The following TSNAXIP1 variants were observed in gnomAD, a reference collection of about 807,000 sequenced individuals.
TSNAXIP1 encodes the protein translin-associated factor X-interacting protein 1.
In TSNAXIP1, 89 loss-of-function variants were observed where a neutral mutation model predicts 84.8. That is an observed-to-expected ratio of 1.05 (90% CI 0.88 to 1.25). TSNAXIP1 has a LOEUF of 1.25. TSNAXIP1 is among the 50% of genes most tolerant of loss of function. The pLI, the probability that TSNAXIP1 is intolerant of heterozygous loss-of-function variation, is 0.00. For missense variants in TSNAXIP1, 874 were observed against 887.6 expected, an observed-to-expected ratio of 0.98 and a Z score of 0.20; for synonymous variants, 347 against 335.2, an observed-to-expected ratio of 1.04 and a Z score of -0.39.
chr16:67,824,742 A>T lies in TSNAXIP1; in HGVS notation c.641A>T (p.Asp214Val). 5 of 1,614,164 alleles carry T rather than the reference A, an allele frequency of 3.1e-6. No homozygotes were observed. The highest frequency in any genetic ancestry group is 4.2e-6 in the Non-Finnish European group (5 of 1,179,998). The stretch of plus-strand genomic sequence containing the variant: ...AAGATGAACTTGCTAAAACTCATCG[A>T]CAAAAAGAATGAGGAGAAGATTTCA... ...KEKMNLLKLIDKKNEEKISLQ... is the reference protein window; with the variant it reads ...KEKMNLLKLIVKKNEEKISLQ... The change falls in exon 6 of 16, where the codon GAC (aspartate) becomes GTC (valine). Residue 214 changes from aspartate (D) to valine (V), a missense_variant. Transcript: ENST00000561639.
Position 67,818,165 on chromosome 16 carries a change from T to C in TSNAXIP1, c.148-2674T>C, listed in dbSNP as rs373212510. On this transcript the variant is annotated intron_variant, in intron 2 of 15. Transcript: ENST00000561639. ...TGGAGGCTGCAGTGAGCAGAGATTGTGCCACTGCACCCCAGCCTGGGCGAC... is the reference window on the plus strand; with the variant it reads ...TGGAGGCTGCAGTGAGCAGAGATTGCGCCACTGCACCCCAGCCTGGGCGAC... Among the ~76,000 whole-genome samples, 3 of 152,138 alleles carry C rather than the reference T, an allele frequency of 2.0e-5. No homozygotes were observed. The South Asian group carries it at 6.2e-4, about 32-fold the overall frequency.
At chr16:67,816,597 C>T (rs547081101) in intron 2 of TSNAXIP1, among the ~76,000 whole-genome samples, 2 of 152,274 alleles carry the variant, frequency 1.3e-5, no homozygotes, top group South Asian at 4.1e-4. Flanking sequence ...AACCTGATGA[C>T]TAGGGGAGAG....
chr16:67,810,871 C>A (rs895726554), intron 1 of TSNAXIP1, among the ~76,000 whole-genome samples: 2 of 151,730 alleles, frequency 1.3e-5, no homozygotes, highest in Admixed American at 6.6e-5. Flanking sequence ...TCCCTAGTAG[C>A]TGGGACTATA....
intron 1 of TSNAXIP1, among the ~76,000 whole-genome samples, chr16:67,813,311 C>G (rs2056262745): frequency 6.6e-6 from 1 of 151,854 alleles, no homozygotes. Context: ...TGCTTGAACC[C>G]AGGAGGTGAA....
chr16:67,823,252 GAAA>G (rs2057198108), intron 4 of TSNAXIP1, among the ~76,000 whole-genome samples: 1 of 152,102 alleles, frequency 6.6e-6, no homozygotes, highest in Non-Finnish European at 1.5e-5. Context: ...GCCCAGTAAA[GAAA>G]AAAACAGTGC....
intron 2 of TSNAXIP1, among the ~76,000 whole-genome samples, chr16:67,815,702 T>A (rs2056486400): frequency 1.3e-5 from 2 of 152,048 alleles, no homozygotes; most frequent in African/African-American, 4.8e-5. Context: ...TCTAACTACG[T>A]TGCCCAAGCT....
intron 5 of TSNAXIP1, among the ~76,000 whole-genome samples, 161 bp from the exon 6 acceptor site, chr16:67,824,422 A>G (rs1292658981): frequency 2.0e-5 from 3 of 152,174 alleles, no homozygotes; most frequent in Non-Finnish European, 4.4e-5. Context: ...TTTAAAATCA[A>G]GTGCAGGAAG....
Position 67,825,592 on chromosome 16 carries a change from G to A in TSNAXIP1, c.815-75G>A, listed in dbSNP as rs1041312444. 3.9e-6 allele frequency: 6 copies of A among 1,533,522 alleles called. No individual in the cohort carries two copies. The Admixed American group carries it at 8.2e-5, about 21-fold the overall frequency. 95.0% of individuals were successfully genotyped at this position (1,533,522 alleles called of 1,614,324 possible). ...GGCAAGAACCAGGGAACCCCAAACA[G>A]GAAGGGCAGAGGGCTTCAGGCAACC... is the stretch of plus-strand genomic sequence containing the variant. On this transcript the variant is annotated intron_variant, in intron 7 of 15. Transcript: ENST00000561639.
chr16:67,822,176 G>A (rs1368564166), intron 4 of TSNAXIP1, among the ~76,000 whole-genome samples: 1 of 151,472 alleles, frequency 6.6e-6, no homozygotes, highest in African/African-American at 2.4e-5. Context: ...CTGCTCGGGA[G>A]GCTGAGGCAG....
chr16:67,826,826 T>G lies in TSNAXIP1; in HGVS notation c.1536T>G (p.Tyr512Ter), dbSNP rs201025140. ...CCAACGAGGTTATGAGTCAGTTCTA[T>G]GCAGTCTTGATGGGAAAGGTGAGCT... ...FHSNEVMSQFYAVLMGKRSEN... is the reference protein window; with the variant it reads ...FHSNEVMSQF The change falls in exon 12 of 16, where the codon TAT becomes TAG. Residue 512 changes from tyrosine to a stop codon, truncating the protein, a stop_gained. Coordinates refer to ENST00000561639, the MANE Select transcript of TSNAXIP1 (RefSeq NM_001288990.3). LOFTEE classifies it high-confidence loss of function. 7.4e-6 allele frequency: 12 copies of G among 1,613,804 alleles called. No homozygotes were observed. In the Middle Eastern group the frequency reaches 4.9e-4, roughly 67 times the overall value.
intron 5 of TSNAXIP1, among the ~76,000 whole-genome samples, chr16:67,824,158 C>G (rs35545442): frequency 6.6e-6 from 1 of 152,164 alleles, no homozygotes; most frequent in African/African-American, 2.4e-5. Flanking sequence ...ACCAAGGCCC[C>G]TCAGCCATTC....
In TSNAXIP1 at chr16:67,824,683, G is replaced by C. The variant is rs1471402364; in HGVS notation, c.582G>C (p.Glu194Asp). Residue 194 changes from glutamate to aspartate, a missense_variant, in exon 6 of 16, where the codon GAG becomes GAC. Physicochemically the swap from Glu to Asp is conservative, Grantham distance 45 (BLOSUM62 2). Transcript: ENST00000561639. ...AGAGGATCCTGGCCATGAGAGCTGA[G>C]GAGAAATATGAAATCTCCCTGCTCA... ...CNERILAMRA[E>D]EKYEISLLKK... is the part of the protein sequence containing the mutation. 1 of 1,614,128 alleles carries C rather than the reference G, an allele frequency of 6.2e-7. No individual in the cohort carries two copies.
chr16:67,815,272 C>A (rs1295740330), intron 2 of TSNAXIP1, among the ~76,000 whole-genome samples: 1 of 148,828 alleles, frequency 6.7e-6, no homozygotes, highest in Non-Finnish European at 1.5e-5. Context: ...CGAGATCACA[C>A]CACTGCACTC....
chr16:67,813,473 G>A (rs550668699), intron 1 of TSNAXIP1, among the ~76,000 whole-genome samples: 58 of 151,838 alleles, frequency 3.8e-4, no homozygotes, highest in Admixed American at 6.6e-4. Flanking sequence ...AGTGGCTCAC[G>A]CCTGTAATCC....
At chr16:67,816,805 G>A (rs1275578764) in intron 2 of TSNAXIP1, among the ~76,000 whole-genome samples, 1 of 151,960 alleles carries the variant, frequency 6.6e-6, no homozygotes, top group Non-Finnish European at 1.5e-5. Context: ...AGCCACCCGG[G>A]CGGAGATCCC....
At chr16:67,821,387 T>C (rs567771441) in intron 4 of TSNAXIP1, among the ~76,000 whole-genome samples, 162 bp downstream of exon 4, 3 of 152,002 alleles carry the variant, frequency 2.0e-5, no homozygotes, top group South Asian at 2.1e-4. Context: ...CTGGCCAACA[T>C]GGCGAAACCC....
intron 2 of TSNAXIP1, among the ~76,000 whole-genome samples, chr16:67,816,279 T>A (rs1042536681): frequency 6.6e-6 from 1 of 152,126 alleles, no homozygotes; most frequent in Non-Finnish European, 1.5e-5. Flanking sequence ...AATGCTGTCT[T>A]ATTAAGTACT....
rs1210433217 is a variant in TSNAXIP1 at position 67,821,180 on chromosome 16, C to G, written c.342C>G (p.Leu114=). 27 of 1,609,418 alleles carry G rather than the reference C, an allele frequency of 1.7e-5. No homozygotes were observed. The highest frequency in any genetic ancestry group is 2.7e-5 in the African/African-American group (2 of 74,902). The change falls in exon 4 of 16, where the codon CTC becomes CTG. Residue 114 remains leucine (L), a synonymous_variant. Coordinates refer to ENST00000561639, the MANE Select transcript of TSNAXIP1 (RefSeq NM_001288990.3). ...AAAACTACCTACGCAAGGAGCTCCT[C>G]CTGCTGGACCTGGGCACAGATTCCA... is the stretch of plus-strand genomic sequence containing the variant. ...ELENYLRKEL[L]LLDLGTDSTQ...
intron 6 of TSNAXIP1, 25 bp from the exon 7 acceptor site, chr16:67,825,112 G>A (rs1319046737): frequency 1.1e-5 from 18 of 1,611,366 alleles, no homozygotes; most frequent in Non-Finnish European, 1.4e-5. Flanking sequence ...GGCAGCCCCT[G>A]ACCACACAGC....
Sources: allele counts gnomAD v4.1 joint callset (sites outside exome capture counted in the v4.1 genomes callset), GRCh38; gene constraint gnomAD v4.1.1; transcripts MANE v1.5; gene names NCBI Gene and HGNC (gene_info 2026-07-23, HGNC 2026-07-21).